EPHB1: variants seen among roughly 807,000 people sequenced by gnomAD.
EPHB1 encodes the protein EPH receptor B1.
EPHB1 carries 30 observed loss-of-function variants against 94.4 expected under a neutral mutation model. The ratio of observed to expected loss-of-function variants is 0.32; its 90% CI spans 0.24 to 0.43. EPHB1 has a LOEUF of 0.43. Among genes scored for constraint, EPHB1 ranks in the 20% least tolerant of loss-of-function variants. EPHB1 has a pLI of 1.00. For synonymous variants in EPHB1, 522 were observed against 489.1 expected, an observed-to-expected ratio of 1.07 and a Z score of -0.89; for missense variants, 1,055 against 1,308.3, an observed-to-expected ratio of 0.81 and a Z score of 2.99.
chr3:135,248,596 G>T lies in EPHB1; in HGVS notation c.2690+87G>T, dbSNP rs941519632. 5 of 1,378,300 alleles carry T rather than the reference G, an allele frequency of 3.6e-6. No homozygotes were observed. The Admixed American group carries it at 1.0e-4, about 27-fold the overall frequency. The allele number at this position is 1,378,300 out of a possible 1,614,324, so 85.4% of individuals were successfully genotyped here. A position where few individuals can be genotyped will look rare whatever the true frequency, so the allele number is the denominator to read the frequency against. On this transcript the variant is annotated intron_variant, in intron 14 of 15. Transcript: ENST00000398015. ...GCAGCCTCTGACCATGATCATGTTC[G>T]AATTTTTTAAAGAGTATCTAGTTGC...
chr3:135,227,815 G>C lies in EPHB1; in HGVS notation c.2347-13333G>C, dbSNP rs568275678. Among the ~76,000 whole-genome samples, 63 of 152,154 alleles carry C rather than the reference G, an allele frequency of 4.1e-4. 1 individual carries two copies. The highest frequency in any genetic ancestry group is 1.5e-3 in the African/African-American group (61 of 41,522). Reference sequence around the variant, plus strand: ...TACAGACAACACTCATATAACATTTGCCCGGATTCTTTACCTACTGTTATC... The same window carrying C: ...TACAGACAACACTCATATAACATTTCCCCGGATTCTTTACCTACTGTTATC... On this transcript the variant is annotated intron_variant, in intron 12 of 15. Transcript: ENST00000398015.
At chr3:135,163,548 T>G (rs1340754275) in intron 7 of EPHB1, among the ~76,000 whole-genome samples, 2 of 152,190 alleles carry the variant, frequency 1.3e-5, no homozygotes, top group African/African-American at 4.8e-5. Context: ...CAGACTGTCT[T>G]CTTTTTCCTT....
intron 3 of EPHB1, among the ~76,000 whole-genome samples, chr3:135,002,138 T>G (rs904192924): frequency 6.6e-6 from 1 of 152,196 alleles, no homozygotes; most frequent in African/African-American, 2.4e-5. Context: ...GGATGGACCT[T>G]GAAAACAATA....
intron 11 of EPHB1, among the ~76,000 whole-genome samples, chr3:135,196,210 A>T (rs1000805093): frequency 1.3e-5 from 2 of 151,720 alleles, no homozygotes; most frequent in African/African-American, 4.9e-5. Flanking sequence ...AATTTGTTTG[A>T]GTTCATTGTA....
chr3:135,033,062 G>A (rs1936533671), intron 3 of EPHB1, among the ~76,000 whole-genome samples: 1 of 152,186 alleles, frequency 6.6e-6, no homozygotes, highest in Admixed American at 6.5e-5. Context: ...TTGAGTGTAG[G>A]TGACATTGGT....
chr3:134,828,992 A>C (rs2108292758), intron 1 of EPHB1, among the ~76,000 whole-genome samples: 1 of 152,306 alleles, frequency 6.6e-6, no homozygotes, highest in South Asian at 2.1e-4. Flanking sequence ...CCCAGGTCAT[A>C]CCCTATTTTG....
At chr3:135,251,052 A>ATTTT (rs71245397) in intron 15 of EPHB1, among the ~76,000 whole-genome samples, 179 of 142,652 alleles carry the variant, frequency 1.3e-3, no homozygotes, top group African/African-American at 4.3e-3. Flanking sequence ...TCTGAGGTCT[A>ATTTT]TTTTTTTTTT....
intron 3 of EPHB1, among the ~76,000 whole-genome samples, chr3:134,984,825 G>GT (rs987026817): frequency 2.0e-5 from 3 of 152,292 alleles, no homozygotes; most frequent in African/African-American, 2.4e-5. Flanking sequence ...AGCGAACTGA[G>GT]TGCGGGGGCT....
At chr3:135,117,844 C>T (rs1939775681) in intron 4 of EPHB1, among the ~76,000 whole-genome samples, 1 of 152,130 alleles carries the variant, frequency 6.6e-6, no homozygotes, top group Non-Finnish European at 1.5e-5. Context: ...GAAGGGTGCT[C>T]AGTTGTGCAG....
intron 3 of EPHB1, among the ~76,000 whole-genome samples, chr3:134,956,934 C>T (rs1304200939): frequency 1.3e-5 from 2 of 152,118 alleles, no homozygotes; most frequent in Non-Finnish European, 2.9e-5. Flanking sequence ...CCATGACCAC[C>T]AAGCAGTGAC....
intron 3 of EPHB1, among the ~76,000 whole-genome samples, chr3:135,027,975 T>G (rs1485010542): frequency 2.7e-5 from 4 of 145,802 alleles, no homozygotes; most frequent in Non-Finnish European, 6.1e-5. Flanking sequence ...GTCAAGGAAT[T>G]TATCCATTTC....
Position 135,192,816 on chromosome 3 carries a change from T to C in EPHB1, c.2123T>C (p.Phe708Ser). ...ATGGAGAATGGTGCATTGGATTCTT[T>C]CCTCAGGGTAAGAGCAACTCAGGGG... ...EFMENGALDS[F>S]LRQNDGQFTV... Residue 708 changes from phenylalanine (F) to serine (S), a missense_variant, in exon 11 of 16, where the codon TTC becomes TCC. By Grantham distance (155) the Phe-to-Ser change is radical (BLOSUM62 -2). Coordinates refer to ENST00000398015, the MANE Select transcript of EPHB1 (RefSeq NM_004441.5). The C allele has an allele frequency of 6.2e-7, 1 of 1,613,716 alleles. No individual in the cohort carries two copies.
chr3:134,811,256 T>TTGTTTTTGTTTTTG (rs537684783), intron 1 of EPHB1, among the ~76,000 whole-genome samples: 1 of 134,866 alleles, frequency 7.4e-6, no homozygotes, highest in African/African-American at 2.7e-5. Flanking sequence ...TTTTTTTTTT[T>TTGTTTTTGTTTTTG]TTTTTTTCTG....
chr3:135,098,842 T>C (rs1039971944), intron 3 of EPHB1, among the ~76,000 whole-genome samples: 9 of 151,882 alleles, frequency 5.9e-5, no homozygotes, highest in Non-Finnish European at 1.0e-4. Context: ...TAAAACCCCG[T>C]CTGTACTAAA....
Position 134,796,584 on chromosome 3 carries a change from A to G in EPHB1, c.58+895A>G, listed in dbSNP as rs538688927. Among the ~76,000 whole-genome samples, 80 of 152,342 alleles carry G rather than the reference A, an allele frequency of 5.3e-4. 1 individual carries two copies. The highest frequency in any genetic ancestry group is 3.4e-3 in the Middle Eastern group (1 of 294). Reference sequence around the variant, plus strand: ...GCAGCGGGGAGCCTGGGCGCTCGGTAGCGCTCGCGAATCCCTGTGGGAAAT... The same window carrying G: ...GCAGCGGGGAGCCTGGGCGCTCGGTGGCGCTCGCGAATCCCTGTGGGAAAT... On this transcript the variant is annotated intron_variant, in intron 1 of 15. Transcript: ENST00000398015.
intron 3 of EPHB1, among the ~76,000 whole-genome samples, chr3:135,014,658 C>T (rs1217207808): frequency 2.0e-5 from 3 of 152,190 alleles, no homozygotes; most frequent in Non-Finnish European, 4.4e-5. Context: ...CAGTGGAGGA[C>T]ACATGCCTGC....
intron 4 of EPHB1, among the ~76,000 whole-genome samples, chr3:135,112,384 AT>A (rs966919267): frequency 3.3e-5 from 5 of 151,626 alleles, no homozygotes; most frequent in South Asian, 4.2e-4. Context: ...AATGAGGGTG[AT>A]TTTTTTTTAA....
At chr3:134,988,797 C>T (rs149273525) in intron 3 of EPHB1, among the ~76,000 whole-genome samples, 2 of 152,224 alleles carry the variant, frequency 1.3e-5, no homozygotes, top group South Asian at 2.1e-4. Context: ...AATTTCTGTT[C>T]TAGGATATTC....
intron 1 of EPHB1, among the ~76,000 whole-genome samples, chr3:134,859,351 C>T (rs2037194534): frequency 6.6e-6 from 1 of 152,220 alleles, no homozygotes; most frequent in Non-Finnish European, 1.5e-5. Context: ...CCTTGGGCAG[C>T]AGCCCTCACC....
Sources: allele counts gnomAD v4.1 joint callset (sites outside exome capture counted in the v4.1 genomes callset), GRCh38; gene constraint gnomAD v4.1.1; transcripts MANE v1.5; gene names NCBI Gene and HGNC (gene_info 2026-07-23, HGNC 2026-07-21).